The following NXPH1 variants were observed in gnomAD, a reference collection of about 807,000 sequenced individuals.
The protein encoded by NXPH1 is neurexophilin-1.
A neutral mutation model predicts 23.7 loss-of-function variants in NXPH1; 5 were observed. The ratio of observed to expected loss-of-function variants is 0.21; its 90% confidence interval spans 0.11 to 0.44. NXPH1 has a LOEUF of 0.44. Ranked by LOEUF, NXPH1 falls within the 20% of genes least tolerant of loss-of-function variation. The pLI is 0.99. For synonymous variants in NXPH1, 144 were observed against 122.2 expected (o/e 1.18, Z -1.18); for missense variants, 324 against 321.6 (o/e 1.01, Z -0.06).
intron 2 of NXPH1, among the ~76,000 whole-genome samples, chr7:8,698,787 A>C (rs1362921951): frequency 6.6e-6 from 1 of 152,136 alleles, no homozygotes; most frequent in African/African-American, 2.4e-5. Context: ...ATGAAATTAG[A>C]ATTGGTAGTC....
chr7:8,534,814 C>T (rs899482266), intron 2 of NXPH1, among the ~76,000 whole-genome samples: 1 of 151,986 alleles, frequency 6.6e-6, no homozygotes, highest in Admixed American at 6.6e-5. Context: ...AAGTCATTTG[C>T]TCAAAGTTAC....
At chr7:8,643,844 T>C (rs1187743193) in intron 2 of NXPH1, among the ~76,000 whole-genome samples, 1 of 152,204 alleles carries the variant, frequency 6.6e-6, no homozygotes, top group Non-Finnish European at 1.5e-5. Context: ...TGTTGCTTAG[T>C]GTATAAAATT....
intron 2 of NXPH1, among the ~76,000 whole-genome samples, chr7:8,616,626 T>A (rs569175769): frequency 5.3e-5 from 8 of 151,942 alleles, no homozygotes; most frequent in Admixed American, 1.3e-4. Flanking sequence ...GCGAAGCATA[T>A]GTAAGGGCCC....
Position 8,497,479 on chromosome 7 carries a change from C to T in NXPH1, c.54+61712C>T, listed in dbSNP as rs573685449. Among the ~76,000 whole-genome samples the T allele has an allele frequency of 4.6e-5, 7 of 152,306 alleles. 1 individual carries two copies. In the East Asian group the frequency reaches 1.4e-3, roughly 30 times the overall value. ...TTGAACTAGTTTACAGTCCCACCAA[C>T]AGTGTAAAAGTCTTCCTATTTCTCC... On this transcript the variant is annotated intron_variant, in intron 2 of 2. Coordinates refer to ENST00000405863, the MANE Select transcript of NXPH1 (RefSeq NM_152745.3).
chr7:8,633,132 C>T (rs564245923), intron 2 of NXPH1, among the ~76,000 whole-genome samples: 1 of 152,266 alleles, frequency 6.6e-6, no homozygotes, highest in Non-Finnish European at 1.5e-5. Flanking sequence ...CATAATGTAT[C>T]ATTAAAATAA....
chr7:8,680,601 A>G (rs2115176173), intron 2 of NXPH1, among the ~76,000 whole-genome samples: 1 of 152,370 alleles, frequency 6.6e-6, no homozygotes, highest in African/African-American at 2.4e-5. Context: ...TTCTGATGGA[A>G]GTAGGAAGAT....
At chr7:8,461,186 C>T (rs1447336978) in intron 2 of NXPH1, among the ~76,000 whole-genome samples, 1 of 152,160 alleles carries the variant, frequency 6.6e-6, no homozygotes, top group African/African-American at 2.4e-5. Flanking sequence ...CCCTTGCATT[C>T]AGTCTCTAAT....
At chr7:8,556,880 A>G (rs764256150) in intron 2 of NXPH1, among the ~76,000 whole-genome samples, 1 of 151,614 alleles carries the variant, frequency 6.6e-6, no homozygotes, top group Non-Finnish European at 1.5e-5. Flanking sequence ...ATGATTTCTC[A>G]TTTGATTCTC....
chr7:8,536,430 AAGG>A (rs1215004074), intron 2 of NXPH1, among the ~76,000 whole-genome samples: 1 of 151,994 alleles, frequency 6.6e-6, no homozygotes, highest in Non-Finnish European at 1.5e-5. Context: ...GTTCTTAAGA[AAGG>A]TACCATGTAA....
At chr7:8,595,170 G>A (rs1819193583) in intron 2 of NXPH1, among the ~76,000 whole-genome samples, 1 of 151,892 alleles carries the variant, frequency 6.6e-6, no homozygotes, top group African/African-American at 2.4e-5. Flanking sequence ...CTAGTATAAA[G>A]AAGGAGTGTT....
At position 8,751,594 on chromosome 7, in the gene NXPH1, C is replaced by A; in HGVS notation, c.641C>A (p.Pro214His). 6.2e-7 allele frequency: 1 copy of A among 1,613,490 alleles called. No homozygotes were observed. Among genetic ancestry groups the A allele is most frequent in the Non-Finnish European group, 8.5e-7 (1 of 1,179,734 alleles). The change falls in exon 3 of 3, where the codon CCT (proline) becomes CAT (histidine). Residue 214 changes from proline to histidine, a missense_variant. Pro to His is a moderately conservative substitution (Grantham distance 77). Transcript: ENST00000405863. This position sits in a 1 kb window ranked among gnomAD's most constrained non-coding sequence, Gnocchi z 4.5. ...AAGAACACACTCTGCAACTATGACC[C>A]TTCAAAAACCTGTTACCAGGAGCAA... ...ATKNTLCNYD[P>H]SKTCYQEQTQ... is the part of the protein sequence containing the mutation.
At chr7:8,607,463 A>T (rs544246677) in intron 2 of NXPH1, among the ~76,000 whole-genome samples, 1 of 152,326 alleles carries the variant, frequency 6.6e-6, no homozygotes, top group African/African-American at 2.4e-5. Flanking sequence ...TCATTAGTTG[A>T]TCATGTTATC....
At chr7:8,627,733 G>A (rs1162754425) in intron 2 of NXPH1, among the ~76,000 whole-genome samples, 1 of 151,934 alleles carries the variant, frequency 6.6e-6, no homozygotes, top group Non-Finnish European at 1.5e-5. Flanking sequence ...CACTTCAATG[G>A]ATTAAAAAAA....
chr7:8,668,719 G>A (rs1289137258), intron 2 of NXPH1, among the ~76,000 whole-genome samples: 1 of 152,158 alleles, frequency 6.6e-6, no homozygotes, highest in Non-Finnish European at 1.5e-5. Flanking sequence ...CCTGGAGCCT[G>A]AGTTCATAGG....
intron 2 of NXPH1, among the ~76,000 whole-genome samples, chr7:8,726,339 TGTA>T (rs1780052748): frequency 6.6e-6 from 1 of 152,132 alleles, no homozygotes; most frequent in East Asian, 1.9e-4. Flanking sequence ...TTTTTTTAAA[TGTA>T]TTATTATTAT....
At chr7:8,507,929 T>A (rs925618060) in intron 2 of NXPH1, among the ~76,000 whole-genome samples, 17 of 151,996 alleles carry the variant, frequency 1.1e-4, no homozygotes, top group African/African-American at 4.1e-4. Context: ...AGACGGTCAG[T>A]CAATAGGGAA....
chr7:8,557,401 T>C (rs1284475482), intron 2 of NXPH1, among the ~76,000 whole-genome samples: 4 of 151,656 alleles, frequency 2.6e-5, no homozygotes, highest in Non-Finnish European at 5.9e-5. Flanking sequence ...AGAAGGAGGC[T>C]TCCATGGTAT....
intron 2 of NXPH1, among the ~76,000 whole-genome samples, chr7:8,711,996 A>G (rs968194160): frequency 4.6e-5 from 7 of 152,204 alleles, no homozygotes; most frequent in African/African-American, 1.7e-4. Context: ...GGGTTTCACA[A>G]CTAGAAATTC....
Position 8,698,016 on chromosome 7 carries a change from G to T in NXPH1, c.55-52992G>T, listed in dbSNP as rs1779562171. Reference sequence around the variant, plus strand: ...GGATTTAACCCAAGTAAAATGGCCTGATCAACATTTGTAAAGTGATCACTT... The same window carrying T: ...GGATTTAACCCAAGTAAAATGGCCTTATCAACATTTGTAAAGTGATCACTT... On this transcript the variant is annotated intron_variant, in intron 2 of 2. Transcript: ENST00000405863. Among the ~76,000 whole-genome samples the T allele has an allele frequency of 2.0e-5, 3 of 152,152 alleles. No individual in the cohort carries two copies. In the South Asian group the frequency reaches 6.2e-4, roughly 32 times the overall value.
Sources: allele counts gnomAD v4.1 joint callset (sites outside exome capture counted in the v4.1 genomes callset), GRCh38; gene constraint gnomAD v4.1.1; non-coding constraint Gnocchi (gnomAD v3.1); transcripts MANE v1.5; gene names NCBI Gene and HGNC (gene_info 2026-07-23, HGNC 2026-07-21).